The following DNASE1 variants were observed in gnomAD, a reference collection of about 807,000 sequenced individuals.
The protein encoded by DNASE1 is deoxyribonuclease 1.
DNASE1 carries 40 observed loss-of-function variants against 33.9 expected under a neutral mutation model. The ratio of observed to expected loss-of-function variants is 1.18; its 90% CI spans 0.92 to 1.54. DNASE1 has a LOEUF of 1.54. Among genes scored for constraint, DNASE1 ranks in the 40% most tolerant of loss-of-function variants. The pLI, the probability that DNASE1 is intolerant of heterozygous loss-of-function variation, is 0.00. For synonymous variants in DNASE1, 216 were observed against 160.0 expected (o/e 1.35, Z -2.64); for missense variants, 518 against 372.6 (o/e 1.39, Z -3.21).
downstream of DNASE1, chr16:3,658,698 CAGGATTTTAGAGGAAACCGCTG>C: frequency 8.7e-7 from 1 of 1,143,904 alleles, no homozygotes; most frequent in East Asian, 2.7e-5. Flanking sequence ...AACAAAAAGA[CAGGATTTTAGAGGAAACCGCTG>C]TTCCACCCTG....
intron 3 of DNASE1, 47 bp from the exon 4 acceptor site, chr16:3,656,055 G>T: frequency 6.2e-7 from 1 of 1,612,176 alleles, no homozygotes; most frequent in Non-Finnish European, 8.5e-7. Flanking sequence ...AGCCAGAGGG[G>T]TCCCCTATGG....
intron 1 of DNASE1, among the ~76,000 whole-genome samples, chr16:3,628,565 C>A (rs2041593007): frequency 6.8e-6 from 1 of 146,034 alleles, no homozygotes; most frequent in Admixed American, 6.9e-5. Context: ...TTTTTTCTTT[C>A]TTTTTTTTTT....
intron 1 of DNASE1, among the ~76,000 whole-genome samples, chr16:3,646,291 G>A (rs2042170304): frequency 6.6e-6 from 1 of 152,154 alleles, no homozygotes; most frequent in South Asian, 2.1e-4. Flanking sequence ...GTGGCTGGCT[G>A]TGGAGCGCCT....
chr16:3,642,542 G>A (rs1173587198), upstream of DNASE1, among the ~76,000 whole-genome samples: 1 of 151,866 alleles, frequency 6.6e-6, no homozygotes, highest in Admixed American at 6.6e-5. Flanking sequence ...CATGTTCTCC[G>A]TGAGCACCTG....
chr16:3,650,615 A>G (rs1425402288), upstream of DNASE1: 3 of 147,826 alleles, frequency 2.0e-5, no homozygotes, highest in Non-Finnish European at 4.5e-5. Flanking sequence ...AAAAAAAAAA[A>G]AAAAAGAAAA....
chr16:3,647,841 C>A (rs1472038431), intron 1 of DNASE1, among the ~76,000 whole-genome samples: 5 of 152,024 alleles, frequency 3.3e-5, no homozygotes, highest in African/African-American at 1.2e-4. Context: ...CCCACCCCAT[C>A]TCTACCAAAA....
At chr16:3,613,908 A>ATTTTTTTTTTTTTTTT (rs200976238) in intron 1 of DNASE1, among the ~76,000 whole-genome samples, 2 of 113,140 alleles carry the variant, frequency 1.8e-5, no homozygotes, top group Admixed American at 8.9e-5. Context: ...CGCCTGGCTA[A>ATTTTTTTTTTTTTTTT]TTTTTTTTTT....
intron 1 of DNASE1, among the ~76,000 whole-genome samples, chr16:3,630,679 A>T (rs58483252): frequency 2.6e-5 from 4 of 151,740 alleles, no homozygotes; most frequent in South Asian, 4.2e-4. Context: ...TTTGCATGGA[A>T]TATGTTTTTC....
chr16:3,656,942 TG>T, intron 5 of DNASE1, 56 bp from the exon 6 acceptor site: 1 of 1,592,246 alleles, frequency 6.3e-7, no homozygotes. Flanking sequence ...CCAGCTGACA[TG>T]GTGACTGAAC....
downstream of DNASE1, chr16:3,659,301 G>GT (rs1369979184): frequency 1.9e-5 from 3 of 158,592 alleles, no homozygotes; most frequent in Non-Finnish European, 4.2e-5. Flanking sequence ...GATGAGGACA[G>GT]TATTTCACAG....
intron 1 of DNASE1, among the ~76,000 whole-genome samples, chr16:3,619,693 G>T (rs1316878849): frequency 6.6e-6 from 1 of 151,094 alleles, no homozygotes; most frequent in East Asian, 2.0e-4. Context: ...AATTTTTTTT[G>T]TAGACACAGG....
At position 3,657,100 on chromosome 16, in the gene DNASE1, T is replaced by C. The variant is rs1567212103; in HGVS notation, c.538T>C (p.Trp180Arg). Reference sequence around the variant, plus strand: ...CGTCTACCTGGATGTCCAAGAGAAATGGGGCTTGGAGGTGAGGCCCTCCCA... The same window carrying C: ...CGTCTACCTGGATGTCCAAGAGAAACGGGGCTTGGAGGTGAGGCCCTCCCA... ...YDVYLDVQEK[W>R]GLEDVMLMGD... is the part of the protein sequence containing the mutation. Residue 180 changes from tryptophan (W) to arginine (R), a missense_variant, in exon 6 of 9, where the codon TGG becomes CGG. Trp to Arg is a moderately radical substitution (Grantham distance 101, BLOSUM62 -3). Coordinates refer to ENST00000246949, the MANE Select transcript of DNASE1 (RefSeq NM_005223.4). 2 of 1,613,890 alleles carry C rather than the reference T, an allele frequency of 1.2e-6. No individual in the cohort carries two copies. The highest frequency in any genetic ancestry group is 1.1e-5 in the South Asian group (1 of 91,084).
upstream of DNASE1, chr16:3,650,648 C>G (rs1334331141): frequency 6.6e-6 from 1 of 150,680 alleles, no homozygotes; most frequent in African/African-American, 2.4e-5. Flanking sequence ...CCCCACAGTT[C>G]CATTTATTAA....
chr16:3,663,624 G>C (rs1448790559), exon 10 of DNASE1: 1 of 1,601,172 alleles, frequency 6.2e-7, no homozygotes, highest in Middle Eastern at 1.8e-4. Context: ...ACAGAAGAAA[G>C]GATGAGGGCG....
chr16:3,631,846 C>T (rs1278737726), intron 1 of DNASE1, among the ~76,000 whole-genome samples: 1 of 152,144 alleles, frequency 6.6e-6, no homozygotes, highest in Admixed American at 6.6e-5. Context: ...TCTCTAATTA[C>T]CTGCATTATT....
chr16:3,664,717 A>G (rs1375855731), exon 10 of DNASE1: 2 of 445,458 alleles, frequency 4.5e-6, no homozygotes, highest in Non-Finnish European at 8.0e-6. Context: ...AGCTACGCGC[A>G]CCACGCCCTG....
At chr16:3,661,062 T>G (rs148954796), downstream of DNASE1, 1 of 152,072 alleles carries the variant, frequency 6.6e-6, no homozygotes, top group East Asian at 1.9e-4. Context: ...ATTCAAAATT[T>G]CCCCCAAAAA....
In DNASE1 at chr16:3,658,000, C is replaced by CCTGCCACA; in HGVS notation, c.*48_*55dup. ...TGAACTGCAGGAAGAGAGGACCCAT[C>CCTGCCACA]CTGCCACAGGACCCAGAAAAAAAGC... On this transcript the variant is annotated 3_prime_UTR_variant, in exon 9 of 9. Transcript: ENST00000246949. 1 of 1,612,626 alleles carries CCTGCCACA rather than the reference C, an allele frequency of 6.2e-7. No homozygotes were observed. Among genetic ancestry groups the CCTGCCACA allele is most frequent in the East Asian group, 2.2e-5 (1 of 44,834 alleles).
chr16:3,631,514 G>GT lies in DNASE1; in HGVS notation c.-1358-9194dup, dbSNP rs369656821. On this transcript the variant is annotated intron_variant and NMD_transcript_variant, in intron 1 of 11. Coordinates refer to the DNASE1 transcript ENST00000570769. ...GCCACTGTGCCCAGCCACCTTATAG[G>GT]TTTTTTTGTTTTGTTTTGTTTTTAA... 4.3e-3 allele frequency among the ~76,000 whole-genome samples: 607 copies of GT among 142,362 alleles called. 3 individuals carry two copies. The highest frequency in any genetic ancestry group is 0.015 in the African/African-American group (556 of 38,152). 93.4% of individuals were successfully genotyped at this position (142,362 alleles called of 152,430 possible). A position where few individuals can be genotyped will look rare whatever the true frequency, so the allele number is the denominator to read the frequency against.
Sources: gnomAD v4.1 joint callset for allele counts (sites outside exome capture counted in the v4.1 genomes callset) on GRCh38, gnomAD v4.1.1 for gene constraint, MANE v1.5 for transcripts, NCBI Gene and HGNC (gene_info 2026-07-23, HGNC 2026-07-21) for gene names.